Variants in RIMS1 observed in about 807,000 individuals in gnomAD.
RIMS1 encodes the protein regulating synaptic membrane exocytosis protein 1.
In RIMS1, 83 loss-of-function variants were observed where a neutral mutation model predicts 214.1. The observed-to-expected ratio is 0.39, with a 90% CI of 0.32 to 0.47. The LOEUF (loss-of-function observed/expected upper bound fraction) is 0.47, where lower values mean the gene tolerates loss of function less well. RIMS1 is among the 20% of genes least tolerant of loss of function. The probability of loss-of-function intolerance (pLI) is 0.99; values close to 1 mark genes in which losing one functional copy is unlikely to be tolerated. For missense variants in RIMS1, 2,050 were observed against 2,161.8 expected (o/e 0.95, Z 1.03); for synonymous variants, 793 against 786.8 (o/e 1.01, Z -0.13).
chr6:71,969,863 A>G (rs558965984), intron 2 of RIMS1, among the ~76,000 whole-genome samples: 172 of 152,250 alleles, frequency 1.1e-3, no homozygotes, highest in Non-Finnish European at 2.1e-3. Context: ...TTTCATTTTT[A>G]TTATTGAATT....
intron 28 of RIMS1, 78 bp from the exon 29 acceptor site, chr6:72,333,522 A>T (rs1352350898): frequency 6.8e-6 from 8 of 1,181,424 alleles, no homozygotes; most frequent in Non-Finnish European, 8.5e-6. Context: ...ATTATTTCAA[A>T]ATAAATTAGA....
At chr6:72,168,076 G>A (rs2046519036) in intron 4 of RIMS1, among the ~76,000 whole-genome samples, 1 of 152,154 alleles carries the variant, frequency 6.6e-6, no homozygotes, top group Non-Finnish European at 1.5e-5. Flanking sequence ...TATTAGAGAT[G>A]ATGGCCCAAA....
chr6:72,400,064 A>T (rs895288393), intron 33 of RIMS1, among the ~76,000 whole-genome samples: 2 of 152,216 alleles, frequency 1.3e-5, no homozygotes, highest in Non-Finnish European at 2.9e-5. Context: ...ACTTTCTGGT[A>T]CATACATTCC....
At chr6:72,122,809 G>A (rs888452454) in intron 4 of RIMS1, among the ~76,000 whole-genome samples, 2 of 151,772 alleles carry the variant, frequency 1.3e-5, no homozygotes, top group Non-Finnish European at 2.9e-5. Context: ...ATTTCTGTGG[G>A]ATCAGTGGTG....
At chr6:72,337,334 C>A (rs577371416) in intron 29 of RIMS1, among the ~76,000 whole-genome samples, 68 of 151,798 alleles carry the variant, frequency 4.5e-4, no homozygotes, top group Non-Finnish European at 7.4e-4. Flanking sequence ...AAAATGAAGG[C>A]ATTATTGGGA....
chr6:72,295,912 A>T (rs754795066), intron 26 of RIMS1: 1 of 486,228 alleles, frequency 2.1e-6, no homozygotes, highest in South Asian at 6.6e-5. Context: ...TGTTTCCATC[A>T]TTATGTGCAT....
chr6:71,886,904 C>T lies in RIMS1; in HGVS notation c.-120C>T. The T allele has an allele frequency of 8.4e-7, 1 of 1,189,040 alleles. No homozygotes were observed. The allele number at this position is 1,189,040 out of a possible 1,614,324, so 73.7% of individuals were successfully genotyped here. ...GCTGCTGCCGCCGCCGCCGCTGCTC[C>T]TCCTCCTGCCGCCGCCGCTAGGGCT... On this transcript the variant is annotated 5_prime_UTR_variant, in exon 1 of 34. Transcript: ENST00000521978.
chr6:72,134,192 T>C (rs1352549509), intron 4 of RIMS1, among the ~76,000 whole-genome samples: 1 of 152,122 alleles, frequency 6.6e-6, no homozygotes, highest in Non-Finnish European at 1.5e-5. Flanking sequence ...AGTATTTCAA[T>C]ATAATTTATT....
At chr6:72,306,245 A>G (rs9442765) in intron 26 of RIMS1, among the ~76,000 whole-genome samples, 52,032 of 151,812 alleles carry the variant, frequency 0.34, 9,265 homozygotes, top group Non-Finnish European at 0.39. Context: ...ACACACACAC[A>G]CGCATGCTCA....
Position 71,974,790 on chromosome 6 carries a change from A to C in RIMS1, c.245+5727A>C, listed in dbSNP as rs116990780. On this transcript the variant is annotated intron_variant, in intron 2 of 33. Transcript: ENST00000521978. ...GATTCGAGTATTAGTAGCCAAGGAAATCTCCAATTGCAACACTCAGAAAAC... is the reference window on the plus strand; with the variant it reads ...GATTCGAGTATTAGTAGCCAAGGAACTCTCCAATTGCAACACTCAGAAAAC... Among the ~76,000 whole-genome samples the C allele has an allele frequency of 7.9e-3, 1,204 of 152,340 alleles. 15 individuals carry two copies. Among genetic ancestry groups the C allele is most frequent in the Non-Finnish European group, 0.012 (830 of 68,028 alleles).
chr6:72,151,098 A>C (rs1334963491), intron 4 of RIMS1, among the ~76,000 whole-genome samples: 2 of 151,858 alleles, frequency 1.3e-5, no homozygotes, highest in Non-Finnish European at 2.9e-5. Context: ...GCTGGAGTGC[A>C]GTGGCGCAAT....
intron 6 of RIMS1, among the ~76,000 whole-genome samples, chr6:72,197,289 G>C (rs1042596764): frequency 6.6e-6 from 1 of 152,026 alleles, no homozygotes; most frequent in Non-Finnish European, 1.5e-5. Flanking sequence ...TCCACTGATT[G>C]GTTGCTCATT....
chr6:71,975,044 T>C (rs1796799595), intron 2 of RIMS1, among the ~76,000 whole-genome samples: 1 of 152,114 alleles, frequency 6.6e-6, no homozygotes, highest in Non-Finnish European at 1.5e-5. Flanking sequence ...CAATAACTTA[T>C]GGAAAAATAA....
At chr6:71,903,262 G>A (rs777775808) in intron 1 of RIMS1, among the ~76,000 whole-genome samples, 1 of 152,038 alleles carries the variant, frequency 6.6e-6, no homozygotes, top group Non-Finnish European at 1.5e-5. Flanking sequence ...TTTGATTTGT[G>A]TTTCTCTAAT....
At chr6:72,135,129 TTA>T (rs2041072228) in intron 4 of RIMS1, among the ~76,000 whole-genome samples, 2 of 151,874 alleles carry the variant, frequency 1.3e-5, no homozygotes, top group African/African-American at 4.8e-5. Flanking sequence ...CAGAACAAAG[TTA>T]AATGTAAGAA....
intron 4 of RIMS1, among the ~76,000 whole-genome samples, chr6:72,159,498 T>G (rs1381812644): frequency 7.1e-6 from 1 of 141,116 alleles, no homozygotes; most frequent in Non-Finnish European, 1.6e-5. Context: ...GCCTACGTTT[T>G]CTTGTAGGGT....
At chr6:72,182,090 ATAAT>A (rs2048483476) in intron 5 of RIMS1, among the ~76,000 whole-genome samples, 190 bp from the exon 6 acceptor site, 1 of 152,236 alleles carries the variant, frequency 6.6e-6, no homozygotes. Context: ...ATATTTGGTA[ATAAT>A]TAATATGTGT....
intron 2 of RIMS1, among the ~76,000 whole-genome samples, chr6:72,031,794 A>C (rs1287665875): frequency 6.6e-6 from 1 of 152,138 alleles, no homozygotes; most frequent in African/African-American, 2.4e-5. Context: ...TATTACTCAA[A>C]TATCTATTAC....
chr6:72,264,790 C>G (rs1363978500), intron 19 of RIMS1, among the ~76,000 whole-genome samples, 185 bp from the exon 20 acceptor site: 1 of 151,928 alleles, frequency 6.6e-6, no homozygotes, highest in African/African-American at 2.4e-5. Context: ...AGTCAAGTGT[C>G]TATGATTTCA....
Sources: allele counts gnomAD v4.1 joint callset (sites outside exome capture counted in the v4.1 genomes callset), GRCh38; gene constraint gnomAD v4.1.1; transcripts MANE v1.5; gene names NCBI Gene and HGNC (gene_info 2026-07-23, HGNC 2026-07-21).